Variants in GPA33 observed in about 807,000 individuals in gnomAD.
GPA33 encodes glycoprotein A33, also known as cell surface A33 antigen.
A neutral mutation model predicts 35.6 loss-of-function variants in GPA33; 27 were observed. The observed-to-expected ratio is 0.76, with a 90% CI of 0.56 to 1.04. The LOEUF (loss-of-function observed/expected upper bound fraction) is 1.04, where lower values mean the gene tolerates loss of function less well. GPA33 is among the 50% of genes least tolerant of loss of function. The pLI is 0.00. For missense variants in GPA33, 428 were observed against 411.9 expected, an observed-to-expected ratio of 1.04 and a Z score of -0.34; for synonymous variants, 176 against 164.0, an observed-to-expected ratio of 1.07 and a Z score of -0.56.
At chr1:167,065,413 C>T (rs558301853) in intron 3 of GPA33, among the ~76,000 whole-genome samples, 3 of 152,134 alleles carry the variant, frequency 2.0e-5, no homozygotes, top group Non-Finnish European at 2.9e-5. Context: ...GACTTCAGGT[C>T]GTGTCCTTGG....
intron 4 of GPA33, among the ~76,000 whole-genome samples, chr1:167,057,313 G>C (rs978296617): frequency 6.6e-6 from 1 of 152,076 alleles, no homozygotes; most frequent in African/African-American, 2.4e-5. Context: ...TTGGGCATAT[G>C]TATATGTCCT....
Position 167,055,866 on chromosome 1 carries a change from G to A in GPA33, c.572-17C>T, listed in dbSNP as rs1388869566. ...GACCTGAGGCTGCAGGGGAAGAAGA[G>A]TCAGGGTGAAGAGAGGCACTACAGT... On this transcript the variant is annotated splice_polypyrimidine_tract_variant and intron_variant, in intron 4 of 6. Coordinates refer to ENST00000367868, the MANE Select transcript of GPA33 (RefSeq NM_005814.3). The A allele has an allele frequency of 6.2e-7, 1 of 1,613,668 alleles. No individual in the cohort carries two copies. The highest frequency in any genetic ancestry group is 2.2e-5 in the East Asian group (1 of 44,882).
At chr1:167,075,335 C>G (rs1413478628) in intron 1 of GPA33, among the ~76,000 whole-genome samples, 1 of 152,084 alleles carries the variant, frequency 6.6e-6, no homozygotes, top group South Asian at 2.1e-4. Flanking sequence ...ATGTCTTAGA[C>G]ACAGGTGATT....
chr1:167,083,376 G>A (rs987107594), intron 1 of GPA33, among the ~76,000 whole-genome samples: 4 of 152,178 alleles, frequency 2.6e-5, no homozygotes, highest in Non-Finnish European at 5.9e-5. Flanking sequence ...AAGCAGGAAA[G>A]GCAGGATAGG....
intron 1 of GPA33, chr1:167,082,296 T>G (rs1473497017): frequency 2.2e-6 from 1 of 456,178 alleles, no homozygotes; most frequent in African/African-American, 2.0e-5. Flanking sequence ...ATGTGTACTT[T>G]TATTTCCCAA....
chr1:167,060,186 C>T (rs1334834367), intron 4 of GPA33, among the ~76,000 whole-genome samples: 1 of 152,228 alleles, frequency 6.6e-6, no homozygotes, highest in Non-Finnish European at 1.5e-5. Context: ...GATCTTCCCA[C>T]CTCAGCCTCC....
chr1:167,076,552 A>G (rs1015450831), intron 1 of GPA33, among the ~76,000 whole-genome samples: 59 of 152,316 alleles, frequency 3.9e-4, no homozygotes, highest in African/African-American at 1.4e-3. Flanking sequence ...GGAAACAGGG[A>G]AGCATTCGGG....
intron 3 of GPA33, among the ~76,000 whole-genome samples, chr1:167,068,083 A>C (rs559673887): frequency 2.0e-5 from 3 of 151,960 alleles, no homozygotes; most frequent in Non-Finnish European, 4.4e-5. Flanking sequence ...TTATTAATTA[A>C]ATTAAATTTT....
chr1:167,089,203 A>C (rs143680083), intron 1 of GPA33, among the ~76,000 whole-genome samples: 7 of 152,272 alleles, frequency 4.6e-5, no homozygotes, highest in Non-Finnish European at 7.4e-5. Context: ...AGGTGTTGAG[A>C]GAAAAGCATG....
At chr1:167,056,622 G>GTGT (rs1558001687) in intron 4 of GPA33, among the ~76,000 whole-genome samples, 5 of 19,600 alleles carry the variant, frequency 2.6e-4, no homozygotes, top group Non-Finnish European at 3.9e-4. Context: ...TGTGTGTGGT[G>GTGT]AGTGTGTGAT....
chr1:167,078,238 C>A (rs1302608482), intron 1 of GPA33, among the ~76,000 whole-genome samples: 1 of 152,246 alleles, frequency 6.6e-6, no homozygotes, highest in African/African-American at 2.4e-5. Context: ...GCCCCCTGCT[C>A]TACTCAGGGA....
intron 4 of GPA33, among the ~76,000 whole-genome samples, chr1:167,060,435 C>T (rs1666412473): frequency 6.6e-6 from 1 of 152,170 alleles, no homozygotes; most frequent in Admixed American, 6.5e-5. Context: ...TTTGAGAACT[C>T]TGCCCTCACC....
chr1:167,080,427 A>G (rs1666902066), intron 1 of GPA33, among the ~76,000 whole-genome samples: 1 of 152,208 alleles, frequency 6.6e-6, no homozygotes, highest in African/African-American at 2.4e-5. Flanking sequence ...AGAAGAATTG[A>G]TAACTCTGTC....
chr1:167,061,827 C>T (rs893494539), intron 4 of GPA33, among the ~76,000 whole-genome samples: 5 of 152,146 alleles, frequency 3.3e-5, no homozygotes, highest in African/African-American at 1.2e-4. Context: ...TGGTCTCGAT[C>T]TCCTGACCTC....
intron 4 of GPA33, among the ~76,000 whole-genome samples, chr1:167,056,727 G>GC (rs1558001944): frequency 0.072 from 772 of 10,726 alleles, 2 homozygotes; most frequent in South Asian, 0.078. Flanking sequence ...TGTAGTGTGT[G>GC]ATGTATGTGG....
intron 1 of GPA33, among the ~76,000 whole-genome samples, chr1:167,075,316 T>C (rs943899009): frequency 5.9e-5 from 9 of 152,122 alleles, no homozygotes; most frequent in Admixed American, 5.2e-4. Context: ...ATAGTCCAGA[T>C]GAGGGCTAAT....
At chr1:167,055,692 T>C in intron 5 of GPA33, 38 bp downstream of exon 5, 4 of 1,610,540 alleles carry the variant, frequency 2.5e-6, no homozygotes, top group Non-Finnish European at 3.4e-6. Context: ...AGTTATCCTG[T>C]GGCGTTTGTC....
chr1:167,060,879 T>A (rs1297867963), intron 4 of GPA33, among the ~76,000 whole-genome samples: 1 of 152,158 alleles, frequency 6.6e-6, no homozygotes, highest in Non-Finnish European at 1.5e-5. Context: ...CCCTACCCCT[T>A]AGCCACACCA....
intron 1 of GPA33, among the ~76,000 whole-genome samples, chr1:167,082,769 G>C (rs146103642): frequency 6.6e-6 from 1 of 152,164 alleles, no homozygotes; most frequent in African/African-American, 2.4e-5. Flanking sequence ...ACTTTGTGAC[G>C]GCCCTAATGG....
Sources: gnomAD v4.1 joint callset for allele counts (sites outside exome capture counted in the v4.1 genomes callset) on GRCh38, gnomAD v4.1.1 for gene constraint, MANE v1.5 for transcripts, NCBI Gene and HGNC (gene_info 2026-07-23, HGNC 2026-07-21) for gene names.